Variants in RASEF observed in about 807,000 individuals in gnomAD.
RASEF encodes the protein RAS and EF-hand domain containing, also known as ras and EF-hand domain-containing protein.
In RASEF, 68 loss-of-function variants were observed where a neutral mutation model predicts 90.1. The ratio of observed to expected loss-of-function variants is 0.75; its 90% CI spans 0.62 to 0.92. The LOEUF (loss-of-function observed/expected upper bound fraction) is 0.92, where lower values mean the gene tolerates loss of function less well. Among genes scored for constraint, RASEF ranks in the 40% least tolerant of loss-of-function variants. The probability of loss-of-function intolerance (pLI) is 0.00; values close to 1 mark genes in which losing one functional copy is unlikely to be tolerated. For missense variants in RASEF, 949 were observed against 937.2 expected, an observed-to-expected ratio of 1.01 and a Z score of -0.16; for synonymous variants, 331 against 345.2, an observed-to-expected ratio of 0.96 and a Z score of 0.46.
At chr9:83,207,305 G>A in the RASEF span, among the ~76,000 whole-genome samples, 622 of 152,312 alleles carry the variant, frequency 4.1e-3, 4 homozygotes, top group African/African-American at 0.014. Context: ...ATTGAAGGCA[G>A]GGGCTTTTCC....
rs559464308 is a variant in RASEF, at chr9:82,987,759, T to C, written c.2117+2632A>G. Among the ~76,000 whole-genome samples the C allele has an allele frequency of 9.8e-5, 15 of 152,328 alleles. No individual in the cohort carries two copies. In the East Asian group the frequency reaches 1.9e-3, roughly 20 times the overall value. On this transcript the variant is annotated intron_variant, in intron 16 of 16. Coordinates refer to ENST00000376447, the MANE Select transcript of RASEF (RefSeq NM_152573.4). ...ATACAGAGTCACAGGCTCTTAGAAT[T>C]AGAAAGGACCTTTGAGATCATTTCC... is the stretch of plus-strand genomic sequence containing the variant.
At chr9:83,217,993 T>G in the RASEF span, among the ~76,000 whole-genome samples, 1 of 152,162 alleles carries the variant, frequency 6.6e-6, no homozygotes, top group Non-Finnish European at 1.5e-5. Context: ...CATCAAACTT[T>G]CCTTGGAGCC....
chr9:83,000,637 T>C (rs971128615), intron 10 of RASEF, 67 bp from the exon 11 acceptor site: 3 of 1,409,446 alleles, frequency 2.1e-6, no homozygotes, highest in African/African-American at 1.4e-5. Flanking sequence ...AAGTCTAAAA[T>C]GTATACATTA....
chr9:83,086,986 T>C, the RASEF span, among the ~76,000 whole-genome samples: 2 of 152,118 alleles, frequency 1.3e-5, no homozygotes, highest in African/African-American at 4.8e-5. Context: ...TTGGGGATCA[T>C]TGGGGCCATC....
chr9:83,072,526 G>A, the RASEF span, among the ~76,000 whole-genome samples: 3 of 152,346 alleles, frequency 2.0e-5, no homozygotes, highest in Middle Eastern at 3.4e-3. Flanking sequence ...AAGGAAGCCA[G>A]TCTGAGTCCC....
chr9:83,096,023 G>A, the RASEF span, among the ~76,000 whole-genome samples: 2 of 152,130 alleles, frequency 1.3e-5, no homozygotes, highest in South Asian at 2.1e-4. Flanking sequence ...TACCTAGAGT[G>A]TAAGTAAAAA....
chr9:83,008,433 C>T lies in RASEF; in HGVS notation c.960-928G>A, dbSNP rs115304879. 5.0e-3 allele frequency among the ~76,000 whole-genome samples: 757 copies of T among 152,146 alleles called. 5 individuals are homozygous for T. The highest frequency in any genetic ancestry group is 0.018 in the African/African-American group (730 of 41,496). On this transcript the variant is annotated intron_variant, in intron 6 of 16. Coordinates refer to ENST00000376447, the MANE Select transcript of RASEF (RefSeq NM_152573.4). ...GTGGTCTGACCACCTTTCCCCAAGC[C>T]GTATCCTTCCCTATGTTCTGGTCCC... is the stretch of plus-strand genomic sequence containing the variant.
chr9:83,190,811 C>T, the RASEF span, among the ~76,000 whole-genome samples: 3 of 150,938 alleles, frequency 2.0e-5, no homozygotes, highest in South Asian at 4.2e-4. Context: ...ACTCTAAAAT[C>T]CTCACCTGGT....
chr9:82,987,114 T>C (rs1160814879), intron 16 of RASEF, among the ~76,000 whole-genome samples: 2 of 152,212 alleles, frequency 1.3e-5, no homozygotes, highest in East Asian at 1.9e-4. Flanking sequence ...TTTTGCATTA[T>C]ACATAAATTT....
chr9:83,196,985 CTCT>C, the RASEF span, among the ~76,000 whole-genome samples: 1 of 152,230 alleles, frequency 6.6e-6, no homozygotes, highest in African/African-American at 2.4e-5. Flanking sequence ...AAAGAAAGAG[CTCT>C]TCTTCTGTAC....
At chr9:83,093,630 G>A in the RASEF span, among the ~76,000 whole-genome samples, 1 of 152,218 alleles carries the variant, frequency 6.6e-6, no homozygotes, top group Non-Finnish European at 1.5e-5. Flanking sequence ...ATGCCCACCC[G>A]GAACTCCAGC....
chr9:83,130,607 C>A, the RASEF span, among the ~76,000 whole-genome samples: 7 of 152,300 alleles, frequency 4.6e-5, no homozygotes, highest in African/African-American at 1.7e-4. Flanking sequence ...AACACACTAG[C>A]TTTTATTCAT....
intron 16 of RASEF, among the ~76,000 whole-genome samples, chr9:82,989,754 A>T (rs564529430): frequency 5.3e-5 from 8 of 152,110 alleles, no homozygotes; most frequent in Non-Finnish European, 1.2e-4. Flanking sequence ...GTGATATTTA[A>T]TCCCTCTAGG....
intron 1 of RASEF, among the ~76,000 whole-genome samples, chr9:83,058,450 G>A (rs1830141944): frequency 1.4e-5 from 2 of 148,010 alleles, no homozygotes; most frequent in Middle Eastern, 3.4e-3. Flanking sequence ...CCAAAGTGCT[G>A]GGATTACAGG....
At chr9:83,130,346 G>C in the RASEF span, among the ~76,000 whole-genome samples, 2 of 152,090 alleles carry the variant, frequency 1.3e-5, no homozygotes, top group Non-Finnish European at 2.9e-5. Flanking sequence ...CATGTTCATA[G>C]CCTCCCCAAT....
chr9:83,147,059 T>TAA, the RASEF span, among the ~76,000 whole-genome samples: 284 of 147,858 alleles, frequency 1.9e-3, 3 homozygotes, highest in African/African-American at 5.7e-3. Flanking sequence ...TATATATATA[T>TAA]AAATATGTAC....
At chr9:83,065,179 G>A (rs189319735), upstream of RASEF, among the ~76,000 whole-genome samples, 73 of 152,160 alleles carry the variant, frequency 4.8e-4, no homozygotes, top group East Asian at 0.012. Flanking sequence ...TCAGACCTCC[G>A]ATATCAGTTA....
the RASEF span, among the ~76,000 whole-genome samples, chr9:83,183,194 A>G: frequency 1.7e-5 from 1 of 57,422 alleles, no homozygotes; most frequent in Non-Finnish European, 3.2e-5. Context: ...ACTTCAATAA[A>G]GTTTAAAAAG....
intron 1 of RASEF, among the ~76,000 whole-genome samples, chr9:83,044,957 G>T (rs548635847): frequency 1.3e-5 from 2 of 152,302 alleles, no homozygotes; most frequent in African/African-American, 4.8e-5. Flanking sequence ...AATTCTGCTA[G>T]CAGATGACCT....
Sources: gnomAD v4.1 joint callset for allele counts (sites outside exome capture counted in the v4.1 genomes callset) on GRCh38, gnomAD v4.1.1 for gene constraint, MANE v1.5 for transcripts, NCBI Gene and HGNC (gene_info 2026-07-23, HGNC 2026-07-21) for gene names.